Variants in TECPR1 observed in about 807,000 individuals in gnomAD.
TECPR1 encodes tectonin beta-propeller repeat containing 1.
Under a neutral mutation model 162.4 loss-of-function variants are expected in TECPR1, and 122 were observed. The ratio of observed to expected loss-of-function variants is 0.75; its 90% CI spans 0.65 to 0.87. The LOEUF (loss-of-function observed/expected upper bound fraction) is 0.87. Among genes scored for constraint, TECPR1 ranks in the 40% least tolerant of loss-of-function variants. TECPR1 has a pLI of 0.00. For synonymous variants in TECPR1, 642 were observed against 670.6 expected (o/e 0.96, Z 0.66); for missense variants, 1,432 against 1,618.2 (o/e 0.88, Z 1.97).
chr7:98,245,027 A>G lies in TECPR1; in HGVS notation c.266T>C (p.Leu89Pro), dbSNP rs998196902. The change falls in exon 4 of 26, where the codon CTG (leucine) becomes CCG (proline). Residue 89 changes from leucine to proline, a missense_variant. By Grantham distance (98) the Leu-to-Pro change is moderately conservative. Coordinates refer to ENST00000447648, the MANE Select transcript of TECPR1 (RefSeq NM_015395.3). ...PMGGFCEKLLLSDRWGWSDVS... is the reference protein window; with the variant it reads ...PMGGFCEKLLPSDRWGWSDVS... Reference sequence around the variant, plus strand: ...GTCACTCCACCCCCAGCGGTCACTCAGCAGGAGCTTCTCACAGAAGCCGCC... The same window carrying G: ...GTCACTCCACCCCCAGCGGTCACTCGGCAGGAGCTTCTCACAGAAGCCGCC... 1.2e-6 allele frequency: 2 copies of G among 1,604,260 alleles called. No homozygotes were observed. The highest frequency in any genetic ancestry group is 2.7e-5 in the African/African-American group (2 of 74,654).
rs1297437714 is a variant in TECPR1, at chr7:98,243,473, C to T, written c.651G>A (p.Gln217=). ...GGAGAGGGGTTGGCCTTACCTTGCC[C>T]TGCAGAGACACAGCCCACACTGACA... The part of the protein sequence containing the change: ...GRLSVWAVSL[Q]GKVWYREDVS... Residue 217 remains glutamine (Q), a synonymous_variant, in exon 6 of 26, where the codon CAG becomes CAA. Transcript: ENST00000447648. 2.5e-6 allele frequency: 4 copies of T among 1,612,276 alleles called. No homozygotes were observed. In the Admixed American group the frequency reaches 6.7e-5, roughly 27 times the overall value.
rs1798893734 is a variant in TECPR1, at chr7:98,245,911, A to T, written c.225+11T>A. On this transcript the variant is annotated intron_variant, in intron 3 of 25. Transcript: ENST00000447648. ...GACCCGCTCGGCAACTCCAACCATG[A>T]GGGTCACTACCTGATTCTCATAGGC... 3 of 1,585,744 alleles carry T rather than the reference A, an allele frequency of 1.9e-6. No individual in the cohort carries two copies. Among genetic ancestry groups the T allele is most frequent in the Non-Finnish European group, 2.6e-6 (3 of 1,166,560 alleles).
rs1297262735 is a variant in TECPR1, at chr7:98,241,045, T to C, written c.832+25A>G. On this transcript the variant is annotated intron_variant, in intron 7 of 25. Transcript: ENST00000447648. This position sits in a 1 kb window ranked among gnomAD's most constrained non-coding sequence, Gnocchi z 5.0. ...ACCCTTCTCCCCAGTACAGGGTATG[T>C]GGGTGGGGGAGCCGGGCTGCCCACC... The C allele has an allele frequency of 6.3e-7, 1 of 1,594,194 alleles. No individual in the cohort carries two copies. The highest frequency in any genetic ancestry group is 1.3e-5 in the African/African-American group (1 of 74,568).
chr7:98,225,379 C>T (rs111789003), intron 17 of TECPR1, among the ~76,000 whole-genome samples: 1,528 of 152,218 alleles, frequency 0.01, 30 homozygotes, highest in African/African-American at 0.035. Context: ...TACTAAAATA[C>T]AAAAAATTAG....
chr7:98,233,260 C>T (rs1244541910), intron 11 of TECPR1, 161 bp downstream of exon 11: 9 of 1,059,678 alleles, frequency 8.5e-6, no homozygotes, highest in Non-Finnish European at 1.0e-5. Context: ...CTGGAGGCCA[C>T]AGAGGAGCGC....
At position 98,233,819 on chromosome 7, in the gene TECPR1, G is replaced by A. The variant is rs749108692; in HGVS notation, c.1274C>T (p.Pro425Leu). The A allele has an allele frequency of 1.2e-6, 2 of 1,603,428 alleles. No individual in the cohort carries two copies. The highest frequency in any genetic ancestry group is 1.7e-6 in the Non-Finnish European group (2 of 1,175,606). The change falls in exon 11 of 26, where the codon CCT (proline) becomes CTT (leucine). Residue 425 changes from proline (P) to leucine (L), a missense_variant. Physicochemically the swap from Pro to Leu is moderately conservative, Grantham distance 98. Coordinates refer to ENST00000447648, the MANE Select transcript of TECPR1 (RefSeq NM_015395.3). ...DASSEVERPG[P>L]GQILPAEPLD... ...AGGTTCTGCAGGGAGAATCTGGCCA[G>A]GCCCTGGTCTCTCGACTTCCGAGGA...
In TECPR1 at chr7:98,228,244, GCAAA is replaced by G. The variant is rs1309579684; in HGVS notation, c.2411-132_2411-129del. 3 of 732,986 alleles carry G rather than the reference GCAAA, an allele frequency of 4.1e-6. No individual in the cohort carries two copies. In the African/African-American group the frequency reaches 5.2e-5, roughly 13 times the overall value. 45.4% of individuals were successfully genotyped at this position (732,986 alleles called of 1,614,324 possible). On this transcript the variant is annotated intron_variant, in intron 16 of 25. Transcript: ENST00000447648. ...GCTGGAGCCAGGTCAGCGGAGAGGA[GCAAA>G]CAGTCCTGTTGAGCTTATCGCACGG...
intron 9 of TECPR1, among the ~76,000 whole-genome samples, chr7:98,237,971 T>C (rs1798643352): frequency 6.6e-6 from 1 of 152,032 alleles, no homozygotes; most frequent in African/African-American, 2.4e-5. Context: ...GGGGTCTCAC[T>C]ATATTGCCCA....
intron 23 of TECPR1, among the ~76,000 whole-genome samples, chr7:98,218,341 GA>G (rs1460456863): frequency 6.6e-6 from 1 of 152,200 alleles, no homozygotes; most frequent in East Asian, 1.9e-4. Flanking sequence ...TGCTGAGGCA[GA>G]AACTATGGAC....
intron 6 of TECPR1, among the ~76,000 whole-genome samples, chr7:98,243,077 C>A (rs1798810020): frequency 1.0e-5 from 1 of 96,594 alleles, no homozygotes; most frequent in African/African-American, 3.6e-5. Flanking sequence ...CATCCACACA[C>A]CCACCTATCC....
At chr7:98,222,786 C>A (rs531790061) in intron 21 of TECPR1, 1 of 810,834 alleles carries the variant, frequency 1.2e-6, no homozygotes, top group East Asian at 2.5e-5. Context: ...GCCAAAGAGC[C>A]GCAGTGTCCC....
At chr7:98,218,561 C>T (rs572517919) in intron 23 of TECPR1, among the ~76,000 whole-genome samples, 1 of 152,318 alleles carries the variant, frequency 6.6e-6, no homozygotes, top group East Asian at 1.9e-4. Flanking sequence ...ATTAGTAGCA[C>T]TGCTACATGC....
In TECPR1 at chr7:98,244,516, G is replaced by C. The variant is rs1168089368; in HGVS notation, c.531+55C>G. On this transcript the variant is annotated intron_variant, in intron 5 of 25. Transcript: ENST00000447648. ...GGGGAAGGTGGAGAGGAGGCTGCAT[G>C]TGACACTCTGTCCTGGCCCTATCCT... is the stretch of plus-strand genomic sequence containing the variant. 3.9e-6 allele frequency: 6 copies of C among 1,544,500 alleles called. No homozygotes were observed. The African/African-American group carries it at 8.2e-5, about 21-fold the overall frequency.
At position 98,229,034 on chromosome 7, in the gene TECPR1, C is replaced by T; in HGVS notation, c.2410+5G>A. 2.5e-6 allele frequency: 4 copies of T among 1,601,034 alleles called. No individual in the cohort carries two copies. Among genetic ancestry groups the T allele is most frequent in the Non-Finnish European group, 3.4e-6 (4 of 1,173,970 alleles). Reference sequence around the variant, plus strand: ...GGCTCCGGGGGGGCTGTGGGCCGCCCTCACCTTGGAAGCAGCCGCCTCCAT... The same window carrying T: ...GGCTCCGGGGGGGCTGTGGGCCGCCTTCACCTTGGAAGCAGCCGCCTCCAT... On this transcript the variant is annotated splice_donor_5th_base_variant and intron_variant, in intron 16 of 25. Coordinates refer to ENST00000447648, the MANE Select transcript of TECPR1 (RefSeq NM_015395.3).
chr7:98,217,904 C>G (rs1340717444), intron 24 of TECPR1, 32 bp downstream of exon 24: 1 of 1,548,204 alleles, frequency 6.5e-7, no homozygotes, highest in South Asian at 1.2e-5. Context: ...CCAGAGCACC[C>G]CAAGTGCCCG....
Position 98,232,049 on chromosome 7 carries a change from C to A in TECPR1, c.1819-90G>T. On this transcript the variant is annotated intron_variant, in intron 12 of 25. Coordinates refer to ENST00000447648, the MANE Select transcript of TECPR1 (RefSeq NM_015395.3). The surrounding 1 kb of genome is among the most constrained non-coding windows in gnomAD (Gnocchi z 4.6). ...GGCTGGGGGTGCCCAGAGGAGGAGG[C>A]AGGGCTGGGGTAGGGCCCACCCAGC... 6.9e-7 allele frequency: 1 copy of A among 1,445,478 alleles called. No homozygotes were observed. The highest frequency in any genetic ancestry group is 9.3e-7 in the Non-Finnish European group (1 of 1,074,718). The allele number at this position is 1,445,478 out of a possible 1,614,324, so 89.5% of individuals were successfully genotyped here. A position where few individuals can be genotyped will look rare whatever the true frequency, so the allele number is the denominator to read the frequency against.
At chr7:98,247,614 T>C (rs1004422240) in intron 2 of TECPR1, among the ~76,000 whole-genome samples, 6 of 152,330 alleles carry the variant, frequency 3.9e-5, no homozygotes, top group Non-Finnish European at 8.8e-5. Context: ...CGTGACCATG[T>C]GAATTCAGGG....
chr7:98,238,875 T>C (rs2116603047), intron 8 of TECPR1, among the ~76,000 whole-genome samples: 1 of 152,352 alleles, frequency 6.6e-6, no homozygotes, highest in East Asian at 1.9e-4. Context: ...GGCAGCTTCC[T>C]GCCCATTCTC....
Position 98,217,497 on chromosome 7 carries a change from A to G in TECPR1, c.3391T>C (p.Trp1131Arg). Residue 1131 changes from tryptophan (W) to arginine (R), a missense_variant, in exon 26 of 26, where the codon TGG becomes CGG. Physicochemically the swap from Trp to Arg is moderately radical, Grantham distance 101. Coordinates refer to ENST00000447648, the MANE Select transcript of TECPR1 (RefSeq NM_015395.3). The stretch of plus-strand genomic sequence containing the variant: ...TTGGCCCGGACAGAGATATGGTCCC[A>G]GCCTCCCTGGAAGGAGAGAGCTGTG... ...HGWDYGIGGG[W>R]DHISVRANAT... 6.2e-7 allele frequency: 1 copy of G among 1,604,814 alleles called. No individual in the cohort carries two copies. The highest frequency in any genetic ancestry group is 8.5e-7 in the Non-Finnish European group (1 of 1,176,350).
Sources: allele counts gnomAD v4.1 joint callset (sites outside exome capture counted in the v4.1 genomes callset), GRCh38; gene constraint gnomAD v4.1.1; non-coding constraint Gnocchi (gnomAD v3.1); transcripts MANE v1.5; gene names NCBI Gene and HGNC (gene_info 2026-07-23, HGNC 2026-07-21).